The following TBC1D5 variants were observed in gnomAD, a reference collection of about 807,000 sequenced individuals.
TBC1D5 encodes the protein TBC1 domain family, member 5.
Under a neutral mutation model 100.3 loss-of-function variants are expected in TBC1D5, and 75 were observed. The observed-to-expected ratio is 0.75, with a 90% CI of 0.62 to 0.91. TBC1D5 has a LOEUF of 0.91. Among genes scored for constraint, TBC1D5 ranks in the 40% least tolerant of loss-of-function variants. The pLI is 0.00. For missense variants in TBC1D5, 910 were observed against 942.4 expected, an observed-to-expected ratio of 0.97 and a Z score of 0.45; for synonymous variants, 323 against 325.6, an observed-to-expected ratio of 0.99 and a Z score of 0.09.
chr3:17,285,685 T>A (rs1373489372), intron 15 of TBC1D5, among the ~76,000 whole-genome samples: 4 of 152,236 alleles, frequency 2.6e-5, no homozygotes, highest in Admixed American at 2.6e-4. Context: ...TCAAGTTTGA[T>A]GTGACATTTT....
At chr3:17,333,945 T>G (rs1001694258) in intron 13 of TBC1D5, among the ~76,000 whole-genome samples, 4 of 152,072 alleles carry the variant, frequency 2.6e-5, no homozygotes, top group Admixed American at 2.0e-4. Context: ...GCAAGGGTTT[T>G]GAGGGGATAA....
chr3:17,734,723 G>C (rs563450357), intron 1 of TBC1D5, among the ~76,000 whole-genome samples: 10 of 152,260 alleles, frequency 6.6e-5, no homozygotes, highest in Non-Finnish European at 1.0e-4. Flanking sequence ...CTCTCAAATG[G>C]CTTTGTTGTA....
At chr3:17,367,841 A>G (rs1443972682) in intron 13 of TBC1D5, among the ~76,000 whole-genome samples, 1 of 152,104 alleles carries the variant, frequency 6.6e-6, no homozygotes, top group Non-Finnish European at 1.5e-5. Flanking sequence ...CCTAGGCAAC[A>G]GAGCAAGACA....
At chr3:17,677,140 A>G (rs2068747751) in intron 1 of TBC1D5, among the ~76,000 whole-genome samples, 1 of 152,246 alleles carries the variant, frequency 6.6e-6, no homozygotes, top group Non-Finnish European at 1.5e-5. Context: ...ACAAAAGCCA[A>G]AACTGACAAA....
chr3:17,467,681 C>T (rs886558986), intron 3 of TBC1D5, among the ~76,000 whole-genome samples: 5 of 151,924 alleles, frequency 3.3e-5, no homozygotes, highest in Admixed American at 2.6e-4. Flanking sequence ...TTCAGACCAG[C>T]CTGGCCAACA....
intron 8 of TBC1D5, among the ~76,000 whole-genome samples, chr3:17,389,778 T>C (rs2093295106): frequency 1.3e-5 from 2 of 152,158 alleles, no homozygotes; most frequent in East Asian, 1.9e-4. Context: ...CAGTGGTAAG[T>C]TGGTGTTGTG....
At chr3:17,441,556 G>C (rs953578531) in intron 3 of TBC1D5, among the ~76,000 whole-genome samples, 13 of 152,174 alleles carry the variant, frequency 8.5e-5, no homozygotes, top group South Asian at 6.2e-4. Context: ...CTGGAGGACT[G>C]GGGGCAGAGT....
intron 1 of TBC1D5, among the ~76,000 whole-genome samples, chr3:17,691,819 G>T (rs538026598): frequency 2.1e-5 from 3 of 143,942 alleles, no homozygotes; most frequent in Non-Finnish European, 4.5e-5. Context: ...GTGAGACTCC[G>T]TCTCAACAAA....
At chr3:17,505,797 T>A (rs992254562) in intron 3 of TBC1D5, among the ~76,000 whole-genome samples, 1 of 152,220 alleles carries the variant, frequency 6.6e-6, no homozygotes, top group African/African-American at 2.4e-5. Flanking sequence ...TTATTAAACT[T>A]TGATCATAGA....
At chr3:17,635,532 T>C (rs1420390692) in intron 1 of TBC1D5, among the ~76,000 whole-genome samples, 1 of 151,900 alleles carries the variant, frequency 6.6e-6, no homozygotes, top group Non-Finnish European at 1.5e-5. Context: ...AATACAAAAT[T>C]AGCCGGGCAT....
intron 13 of TBC1D5, among the ~76,000 whole-genome samples, chr3:17,346,728 C>T (rs1031711855): frequency 2.0e-5 from 3 of 152,118 alleles, no homozygotes; most frequent in African/African-American, 7.2e-5. Flanking sequence ...TTAATTCTTA[C>T]ATTATATGGA....
chr3:17,704,875 C>A (rs2073818798), intron 1 of TBC1D5, among the ~76,000 whole-genome samples: 1 of 109,110 alleles, frequency 9.2e-6, no homozygotes, highest in Non-Finnish European at 1.9e-5. Context: ...GGGCGGGGGG[C>A]TGACCCCCCA....
chr3:17,708,213 A>C (rs2074370527), intron 1 of TBC1D5, among the ~76,000 whole-genome samples: 1 of 152,202 alleles, frequency 6.6e-6, no homozygotes, highest in African/African-American at 2.4e-5. Context: ...TTCAGTTTTC[A>C]TAAATGATAC....
At chr3:17,207,143 T>G (rs1159110375) in intron 18 of TBC1D5, among the ~76,000 whole-genome samples, 1 of 152,170 alleles carries the variant, frequency 6.6e-6, no homozygotes, top group African/African-American at 2.4e-5. Flanking sequence ...TCTCACTATG[T>G]TGCCTAGGCT....
At chr3:17,428,353 C>G (rs1050477707) in intron 4 of TBC1D5, 97 bp downstream of exon 4, 1 of 381,984 alleles carries the variant, frequency 2.6e-6, no homozygotes, top group African/African-American at 2.2e-5. Flanking sequence ...AGATCAAAAC[C>G]CTATATAATT....
At chr3:17,434,108 C>T (rs937109100) in intron 3 of TBC1D5, among the ~76,000 whole-genome samples, 6 of 152,200 alleles carry the variant, frequency 3.9e-5, no homozygotes, top group African/African-American at 1.2e-4. Context: ...GTGTCTGCAG[C>T]TTTACCAGGT....
At chr3:17,249,438 C>T (rs1359202040) in intron 16 of TBC1D5, among the ~76,000 whole-genome samples, 1 of 152,130 alleles carries the variant, frequency 6.6e-6, no homozygotes, top group Admixed American at 6.5e-5. Flanking sequence ...GTTTTCCCTC[C>T]AAATCTCATG....
At chr3:17,516,415 TTAAA>T (rs2095988804) in intron 2 of TBC1D5, among the ~76,000 whole-genome samples, 2 of 152,146 alleles carry the variant, frequency 1.3e-5, no homozygotes, top group Non-Finnish European at 1.5e-5. Flanking sequence ...AGGAAAAATA[TTAAA>T]TAAATTATAA....
At chr3:17,649,207 C>G (rs976606269) in intron 1 of TBC1D5, among the ~76,000 whole-genome samples, 1 of 152,104 alleles carries the variant, frequency 6.6e-6, no homozygotes, top group Non-Finnish European at 1.5e-5. Context: ...AGGCTATTAT[C>G]CTTAGCAAAT....
Sources: allele counts gnomAD v4.1 joint callset (sites outside exome capture counted in the v4.1 genomes callset), GRCh38; gene constraint gnomAD v4.1.1; transcripts MANE v1.5; gene names NCBI Gene and HGNC (gene_info 2026-07-23, HGNC 2026-07-21).